OMD: variants seen among roughly 807,000 people sequenced by gnomAD.
The protein encoded by OMD is osteomodulin, also known as KSPG osteomodulin.
A neutral mutation model predicts 31.2 loss-of-function variants in OMD; 19 were observed. The observed-to-expected ratio is 0.61, with a 90% CI of 0.42 to 0.89. The LOEUF (loss-of-function observed/expected upper bound fraction) is 0.89, where lower values mean the gene tolerates loss of function less well. Among genes scored for constraint, OMD ranks in the 40% least tolerant of loss-of-function variants. The pLI is 0.00. For missense variants in OMD, 448 were observed against 490.8 expected, an observed-to-expected ratio of 0.91 and a Z score of 0.82; for synonymous variants, 155 against 166.4, an observed-to-expected ratio of 0.93 and a Z score of 0.53.
intron 2 of OMD, among the ~76,000 whole-genome samples, chr9:92,415,735 AT>A (rs1196656077): frequency 1.3e-5 from 2 of 149,306 alleles, no homozygotes; most frequent in South Asian, 4.2e-4. Flanking sequence ...TCAAAAAAAA[AT>A]TATCTACAAT....
At chr9:92,419,431 G>A (rs1423643722) in intron 1 of OMD, among the ~76,000 whole-genome samples, 1 of 151,356 alleles carries the variant, frequency 6.6e-6, no homozygotes, top group Non-Finnish European at 1.5e-5. Flanking sequence ...CTCCCCAGTA[G>A]CTGGGATTAC....
rs534236728 is a variant in OMD at position 92,417,934 on chromosome 9, C to T, written c.-16-360G>A. 4.6e-5 allele frequency among the ~76,000 whole-genome samples: 7 copies of T among 152,004 alleles called. No individual in the cohort carries two copies. In the South Asian group the frequency reaches 1.5e-3, roughly 32 times the overall value. ...GTAGAGACAAGGTTTCGTTGTGTTGCCCAAGCTGGTCTCAAACTCCTGACC... is the reference window on the plus strand; with the variant it reads ...GTAGAGACAAGGTTTCGTTGTGTTGTCCAAGCTGGTCTCAAACTCCTGACC... On this transcript the variant is annotated intron_variant, in intron 1 of 2. Coordinates refer to ENST00000375550, the MANE Select transcript of OMD (RefSeq NM_005014.3).
Position 92,412,638 on chromosome 9 carries a change from A to G in OMD, c.*2514T>C, listed in dbSNP as rs1843475696. On this transcript the variant is annotated 3_prime_UTR_variant, in exon 3 of 3. Transcript: ENST00000375550. ...TGTCTTTTTACGACTGACTTCTTTC[A>G]CTGAGCATAATGTTTTCAAGGTTAT... 6.6e-6 allele frequency among the ~76,000 whole-genome samples: 1 copy of G among 152,216 alleles called. No homozygotes were observed. The highest frequency in any genetic ancestry group is 6.5e-5 in the Admixed American group (1 of 15,276).
At position 92,412,965 on chromosome 9, in the gene OMD, T is replaced by C. The variant is rs576371155; in HGVS notation, c.*2187A>G. Reference sequence around the variant, plus strand: ...TTAGGAATGGAATCGCTGGGTTATATGTAACTAAGCTTTTTTTTTTTTTTT... The same window carrying C: ...TTAGGAATGGAATCGCTGGGTTATACGTAACTAAGCTTTTTTTTTTTTTTT... On this transcript the variant is annotated 3_prime_UTR_variant, in exon 3 of 3. Transcript: ENST00000375550. Among the ~76,000 whole-genome samples the C allele has an allele frequency of 2.1e-4, 32 of 149,438 alleles. No individual in the cohort carries two copies. Among genetic ancestry groups the C allele is most frequent in the Non-Finnish European group, 4.3e-4 (29 of 67,456 alleles).
chr9:92,415,051 A>G lies in OMD; in HGVS notation c.*101T>C. On this transcript the variant is annotated 3_prime_UTR_variant, in exon 3 of 3. Coordinates refer to ENST00000375550, the MANE Select transcript of OMD (RefSeq NM_005014.3). ...CAATTCTGATCTTATACTAATACAT[A>G]ATTCTAAATATATTACTTTGAGTAA... is the stretch of plus-strand genomic sequence containing the variant. 1 of 888,482 alleles carries G rather than the reference A, an allele frequency of 1.1e-6. No homozygotes were observed. The highest frequency in any genetic ancestry group is 1.6e-6 in the Non-Finnish European group (1 of 607,820). The allele number at this position is 888,482 out of a possible 1,614,324, so 55.0% of individuals were successfully genotyped here.
chr9:92,417,856 AGCTGG>A (rs1277941593), intron 1 of OMD, among the ~76,000 whole-genome samples: 1 of 151,924 alleles, frequency 6.6e-6, no homozygotes, highest in Non-Finnish European at 1.5e-5. Flanking sequence ...CCTCCCAAGT[AGCTGG>A]GACTACAGGT....
intron 1 of OMD, among the ~76,000 whole-genome samples, chr9:92,423,287 G>A (rs753640493): frequency 1.9e-4 from 29 of 152,062 alleles, no homozygotes; most frequent in Non-Finnish European, 3.1e-4. Context: ...AGTTTTCAAT[G>A]TGAATTTTTC....
At position 92,417,540 on chromosome 9, in the gene OMD, T is replaced by C. The variant is rs770074070; in HGVS notation, c.19A>G (p.Ile7Val). 6.3e-7 allele frequency: 1 copy of C among 1,576,758 alleles called. No homozygotes were observed. Reference protein sequence around the residue: MGFLSPIYVIFFFFGVK... With the variant: MGFLSPVYVIFFFFGVK... ...CCAAAAAAGAAGAAAATAACATATA[T>C]TGGACTTAAAAAACCCATCTTCTTT... is the stretch of plus-strand genomic sequence containing the variant. Residue 7 changes from isoleucine (I) to valine (V), a missense_variant, in exon 2 of 3, where the codon ATA becomes GTA. By Grantham distance (29) the Ile-to-Val change is conservative. Coordinates refer to ENST00000375550, the MANE Select transcript of OMD (RefSeq NM_005014.3).
rs552883349 is a variant in OMD, at chr9:92,413,918, A to G, written c.*1234T>C. Among the ~76,000 whole-genome samples, 22 of 152,326 alleles carry G rather than the reference A, an allele frequency of 1.4e-4. No individual in the cohort carries two copies. The highest frequency in any genetic ancestry group is 5.1e-4 in the African/African-American group (21 of 41,570). On this transcript the variant is annotated 3_prime_UTR_variant, in exon 3 of 3. Coordinates refer to ENST00000375550, the MANE Select transcript of OMD (RefSeq NM_005014.3). ...GTATTTCCAGAAAAAAAGACTTGCA[A>G]GCTTGAAAACTATTTCTGAAGTATA...
Position 92,417,447 on chromosome 9 carries a change from C to A in OMD, c.112G>T (p.Asp38Tyr). The A allele has an allele frequency of 6.2e-7, 1 of 1,613,964 alleles. No homozygotes were observed. The highest frequency in any genetic ancestry group is 8.5e-7 in the Non-Finnish European group (1 of 1,179,946). The stretch of plus-strand genomic sequence containing the variant: ...CGAAATGGGAATCCTGTTTGGTAAT[C>A]ATCATCTGGCTCTTGGTCATAGTCT... The part of the protein sequence containing the change: ...DEDYDQEPDD[D>Y]YQTGFPFRQN... The change falls in exon 2 of 3, where the codon GAT becomes TAT. Residue 38 changes from aspartate (D) to tyrosine (Y), a missense_variant. Transcript: ENST00000375550.
chr9:92,413,400 T>G lies in OMD; in HGVS notation c.*1752A>C, dbSNP rs534904850. 2.0e-5 allele frequency among the ~76,000 whole-genome samples: 3 copies of G among 152,306 alleles called. 1 individual carries two copies. In the South Asian group the frequency reaches 6.2e-4, roughly 32 times the overall value. On this transcript the variant is annotated 3_prime_UTR_variant, in exon 3 of 3. Coordinates refer to ENST00000375550, the MANE Select transcript of OMD (RefSeq NM_005014.3). ...CAATTTTTCCACATCTTGCCAACAC[T>G]TGTTATTTGTCTGCCTTTTGATTTC... is the stretch of plus-strand genomic sequence containing the variant.
intron 2 of OMD, among the ~76,000 whole-genome samples, chr9:92,416,309 A>G (rs901233074): frequency 2.0e-5 from 3 of 151,766 alleles, no homozygotes; most frequent in African/African-American, 7.3e-5. Flanking sequence ...TATATTGACC[A>G]GGCTGATCTC....
rs941152731 is a variant in OMD at position 92,412,765 on chromosome 9, C to T, written c.*2387G>A. Reference sequence around the variant, plus strand: ...TTGTGTATCCATTGATGGACATTTGCGTGGTTTCTACCTTTGGATATGGCT... The same window carrying T: ...TTGTGTATCCATTGATGGACATTTGTGTGGTTTCTACCTTTGGATATGGCT... On this transcript the variant is annotated 3_prime_UTR_variant, in exon 3 of 3. Coordinates refer to ENST00000375550, the MANE Select transcript of OMD (RefSeq NM_005014.3). Among the ~76,000 whole-genome samples the T allele has an allele frequency of 8.5e-5, 13 of 152,078 alleles. No individual in the cohort carries two copies. Among genetic ancestry groups the T allele is most frequent in the African/African-American group, 2.4e-4 (10 of 41,408 alleles).
chr9:92,416,540 A>C lies in OMD; in HGVS notation c.940+79T>G. The C allele has an allele frequency of 9.8e-6, 9 of 917,710 alleles. No individual in the cohort carries two copies. In the South Asian group the frequency reaches 1.7e-4, roughly 18 times the overall value. 56.8% of individuals were successfully genotyped at this position (917,710 alleles called of 1,614,324 possible). On this transcript the variant is annotated intron_variant, in intron 2 of 2. Transcript: ENST00000375550. ...CTATTTTCAGCAATGTCTAAAGCAT[A>C]GCTTATTGAATATTTTTTTCTTTAA... is the stretch of plus-strand genomic sequence containing the variant.
intron 1 of OMD, among the ~76,000 whole-genome samples, chr9:92,421,630 CA>C (rs1843797295): frequency 6.6e-6 from 1 of 152,196 alleles, no homozygotes; most frequent in Non-Finnish European, 1.5e-5. Flanking sequence ...CTTAGTGAAG[CA>C]CTTTACAAAT....
chr9:92,416,058 G>GTGTATATATATA (rs6151074), intron 2 of OMD, among the ~76,000 whole-genome samples: 2 of 130,932 alleles, frequency 1.5e-5, no homozygotes, highest in Non-Finnish European at 3.2e-5. Flanking sequence ...ATATATGTGT[G>GTGTATATATATA]TATATATATA....
Position 92,415,086 on chromosome 9 carries a change from AC to A in OMD, c.*65del. Reference sequence around the variant, plus strand: ...ATATTACTTTGAGTAATACATGTTTACTTAGATTTACTATATTAAGTATAGG... The same window carrying A: ...ATATTACTTTGAGTAATACATGTTTATTAGATTTACTATATTAAGTATAGG... On this transcript the variant is annotated 3_prime_UTR_variant, in exon 3 of 3. Coordinates refer to ENST00000375550, the MANE Select transcript of OMD (RefSeq NM_005014.3). The A allele has an allele frequency of 8.4e-7, 1 of 1,188,278 alleles. No individual in the cohort carries two copies. Among genetic ancestry groups the A allele is most frequent in the African/African-American group, 1.5e-5 (1 of 64,896 alleles). The allele number at this position is 1,188,278 out of a possible 1,614,324, so 73.6% of individuals were successfully genotyped here.
rs553686122 is a variant in OMD at position 92,413,395 on chromosome 9, A to C, written c.*1757T>G. Among the ~76,000 whole-genome samples the C allele has an allele frequency of 6.6e-6, 1 of 152,284 alleles. No individual in the cohort carries two copies. Among genetic ancestry groups the C allele is most frequent in the Middle Eastern group, 3.4e-3 (1 of 294 alleles). On this transcript the variant is annotated 3_prime_UTR_variant, in exon 3 of 3. Transcript: ENST00000375550. ...GGCTCCAATTTTTCCACATCTTGCC[A>C]ACACTTGTTATTTGTCTGCCTTTTG... is the stretch of plus-strand genomic sequence containing the variant.
rs1161472641 is a variant in OMD at position 92,414,808 on chromosome 9, ACTTC to A, written c.*340_*343del. ...CCTGTGGGTCTTTACTGCTAATGCT[ACTTC>A]CTTCCTCATTTTTAGAAAAATTACT... On this transcript the variant is annotated 3_prime_UTR_variant, in exon 3 of 3. Transcript: ENST00000375550. 2 of 240,086 alleles carry A rather than the reference ACTTC, an allele frequency of 8.3e-6. No homozygotes were observed. The highest frequency in any genetic ancestry group is 5.4e-5 in the Admixed American group (1 of 18,566). 14.9% of individuals were successfully genotyped at this position (240,086 alleles called of 1,614,324 possible).
Sources: allele counts gnomAD v4.1 joint callset (sites outside exome capture counted in the v4.1 genomes callset), GRCh38; gene constraint gnomAD v4.1.1; transcripts MANE v1.5; gene names NCBI Gene and HGNC (gene_info 2026-07-23, HGNC 2026-07-21).